Variants in ACTL8 observed in about 807,000 individuals in gnomAD.
ACTL8 encodes actin like 8.
ACTL8 carries 3 observed loss-of-function variants against 9.3 expected under a neutral mutation model. That is an observed-to-expected ratio of 0.32 (90% confidence interval 0.15 to 0.83). The LOEUF (loss-of-function observed/expected upper bound fraction) is 0.83. Among genes scored for constraint, ACTL8 ranks in the 40% least tolerant of loss-of-function variants. The pLI, the probability that ACTL8 is intolerant of heterozygous loss-of-function variation, is 0.57. For synonymous variants in ACTL8, 224 were observed against 205.9 expected (o/e 1.09, Z -0.75); for missense variants, 381 against 492.2 (o/e 0.77, Z 2.14).
At chr1:17,795,269 GACA>G (rs1315179344) in intron 1 of ACTL8, among the ~76,000 whole-genome samples, 1 of 152,154 alleles carries the variant, frequency 6.6e-6, no homozygotes, top group African/African-American at 2.4e-5. Context: ...AGTTGCAGAA[GACA>G]GCCCCTCCCC....
At chr1:17,792,879 T>C (rs1039177741) in intron 1 of ACTL8, among the ~76,000 whole-genome samples, 1 of 152,170 alleles carries the variant, frequency 6.6e-6, no homozygotes, top group Non-Finnish European at 1.5e-5. Flanking sequence ...CCCAGAGAAC[T>C]AGACAGAGGT....
At chr1:17,763,365 G>GA (rs2066021384) in intron 1 of ACTL8, among the ~76,000 whole-genome samples, 1 of 152,150 alleles carries the variant, frequency 6.6e-6, no homozygotes, top group East Asian at 1.9e-4. Flanking sequence ...TAGCGTGGGG[G>GA]TGCTTTGGGG....
Position 17,826,620 on chromosome 1 carries a change from G to T in ACTL8, c.*101G>T. 8.0e-7 allele frequency: 1 copy of T among 1,248,784 alleles called. No homozygotes were observed. 77.4% of individuals were successfully genotyped at this position (1,248,784 alleles called of 1,614,324 possible). On this transcript the variant is annotated 3_prime_UTR_variant, in exon 3 of 3. Coordinates refer to ENST00000375406, the MANE Select transcript of ACTL8 (RefSeq NM_030812.3). This position sits in a 1 kb window ranked among gnomAD's most constrained non-coding sequence, Gnocchi z 4.5. ...GTGGGGGTAGAATGAGGTGGGGTGG[G>T]GTGAGCTGGCTTTGGAATTCTAGGG...
At chr1:17,764,221 G>A (rs2066028244) in intron 1 of ACTL8, among the ~76,000 whole-genome samples, 1 of 152,144 alleles carries the variant, frequency 6.6e-6, no homozygotes, top group Non-Finnish European at 1.5e-5. Context: ...GGTGGGTAGA[G>A]GCCAGGGAAG....
intron 1 of ACTL8, among the ~76,000 whole-genome samples, chr1:17,756,362 T>A (rs537271115): frequency 8.3e-4 from 126 of 152,044 alleles, no homozygotes; most frequent in Middle Eastern, 6.8e-3. Context: ...CTTGAGAGCT[T>A]TGTCCAGCTC....
chr1:17,811,877 T>C (rs922116266), intron 1 of ACTL8, among the ~76,000 whole-genome samples: 1 of 151,912 alleles, frequency 6.6e-6, no homozygotes, highest in African/African-American at 2.4e-5. Flanking sequence ...TGTCTTTTTT[T>C]TTTTTTTTGA....
intron 1 of ACTL8, among the ~76,000 whole-genome samples, chr1:17,782,512 A>G (rs1009022905): frequency 7.2e-5 from 11 of 152,224 alleles, no homozygotes; most frequent in Admixed American, 6.5e-4. Flanking sequence ...CCACCTGGGT[A>G]TATGACCTTC....
chr1:17,764,583 C>G (rs745728950), intron 1 of ACTL8, among the ~76,000 whole-genome samples: 4 of 152,168 alleles, frequency 2.6e-5, no homozygotes, highest in East Asian at 3.9e-4. Context: ...GGCACCCCCC[C>G]ACAGCATCTC....
chr1:17,771,389 A>C (rs1038196385), intron 1 of ACTL8, among the ~76,000 whole-genome samples: 2 of 152,180 alleles, frequency 1.3e-5, no homozygotes, highest in Non-Finnish European at 2.9e-5. Flanking sequence ...CCCGTGGGCC[A>C]TAGTTTGCTG....
At chr1:17,794,287 C>G (rs1462689329) in intron 1 of ACTL8, among the ~76,000 whole-genome samples, 1 of 152,106 alleles carries the variant, frequency 6.6e-6, no homozygotes. Context: ...GCTGTGTGAC[C>G]TTGGACATAG....
chr1:17,768,956 A>G (rs2066064777), intron 1 of ACTL8, among the ~76,000 whole-genome samples: 1 of 152,178 alleles, frequency 6.6e-6, no homozygotes, highest in South Asian at 2.1e-4. Context: ...CTGACACTAT[A>G]CTAATAGTGC....
chr1:17,814,449 C>T (rs1303841116), intron 1 of ACTL8, among the ~76,000 whole-genome samples: 1 of 152,110 alleles, frequency 6.6e-6, no homozygotes. Context: ...CAAAACAATA[C>T]AATACATACC....
At chr1:17,794,396 C>T (rs564272843) in intron 1 of ACTL8, among the ~76,000 whole-genome samples, 1 of 152,192 alleles carries the variant, frequency 6.6e-6, no homozygotes, top group Admixed American at 6.5e-5. Context: ...TACCATAAGA[C>T]TCATGATTGC....
intron 1 of ACTL8, among the ~76,000 whole-genome samples, chr1:17,791,631 C>T (rs2066240078): frequency 6.6e-6 from 1 of 152,190 alleles, no homozygotes; most frequent in Non-Finnish European, 1.5e-5. Flanking sequence ...GGGCCATCAG[C>T]ATGGTGAGGA....
At chr1:17,788,878 C>T (rs1418565973) in intron 1 of ACTL8, among the ~76,000 whole-genome samples, 1 of 152,214 alleles carries the variant, frequency 6.6e-6, no homozygotes, top group African/African-American at 2.4e-5. Flanking sequence ...GTGGGAGGGG[C>T]AGGGCCCCTG....
intron 1 of ACTL8, among the ~76,000 whole-genome samples, chr1:17,780,222 A>G (rs567858166): frequency 1.3e-4 from 20 of 152,094 alleles, no homozygotes; most frequent in Non-Finnish European, 2.9e-5. Flanking sequence ...AAAAAACCCC[A>G]AAAACAAAAA....
intron 1 of ACTL8, among the ~76,000 whole-genome samples, chr1:17,764,373 C>T (rs1383451023): frequency 6.6e-6 from 1 of 152,186 alleles, no homozygotes; most frequent in Non-Finnish European, 1.5e-5. Flanking sequence ...TGGATGAACA[C>T]CAGTGGGCAA....
chr1:17,786,976 A>G (rs2066202316), intron 1 of ACTL8, among the ~76,000 whole-genome samples: 1 of 152,008 alleles, frequency 6.6e-6, no homozygotes, highest in African/African-American at 2.4e-5. Context: ...CCCTGGGATG[A>G]CAGGTGTGAG....
chr1:17,769,041 G>C lies in ACTL8; in HGVS notation c.-25+13537G>C, dbSNP rs1268180152. Among the ~76,000 whole-genome samples, 4 of 152,280 alleles carry C rather than the reference G, an allele frequency of 2.6e-5. No individual in the cohort carries two copies. The East Asian group carries it at 7.7e-4, about 29-fold the overall frequency. On this transcript the variant is annotated intron_variant, in intron 1 of 2. Transcript: ENST00000375406. ...AGATGAAGAGACGGGGGGTCAGAGA[G>C]GTTAAGTGACTTGGACAAAGTCACA...
Sources: gnomAD v4.1 joint callset for allele counts (sites outside exome capture counted in the v4.1 genomes callset) on GRCh38, gnomAD v4.1.1 for gene constraint, Gnocchi (gnomAD v3.1) non-coding constraint, MANE v1.5 for transcripts, NCBI Gene and HGNC (gene_info 2026-07-23, HGNC 2026-07-21) for gene names.